ZBTB20: variants seen among roughly 807,000 people sequenced by gnomAD.
ZBTB20 encodes the protein zinc finger and BTB domain containing 20.
A neutral mutation model predicts 56.9 loss-of-function variants in ZBTB20; 9 were observed. The observed-to-expected ratio is 0.16, with a 90% CI of 0.10 to 0.28. ZBTB20 has a LOEUF of 0.28. Ranked by LOEUF, ZBTB20 falls within the 10% of genes least tolerant of loss-of-function variation. The pLI is 1.00. For missense variants in ZBTB20, 655 were observed against 1,003.0 expected, an observed-to-expected ratio of 0.65 and a Z score of 4.69; for synonymous variants, 417 against 420.7, an observed-to-expected ratio of 0.99 and a Z score of 0.11.
rs1421294386 is a variant in ZBTB20, at chr3:114,350,751, T to C, written c.1327A>G (p.Ser443Gly). 3 of 1,614,210 alleles carry C rather than the reference T, an allele frequency of 1.9e-6. No individual in the cohort carries two copies. The highest frequency in any genetic ancestry group is 2.5e-6 in the Non-Finnish European group (3 of 1,180,028). The change falls in exon 11 of 12, where the codon AGC becomes GGC. Residue 443 changes from serine to glycine, a missense_variant. Coordinates refer to ENST00000675478, the MANE Select transcript of ZBTB20 (RefSeq NM_001348800.3). ...PERSNEVEMDSTVITVSNSSD... is the reference protein window; with the variant it reads ...PERSNEVEMDGTVITVSNSSD... Reference sequence around the variant, plus strand: ...CTGTTGCTGACAGTGATAACAGTGCTGTCCATCTCCACTTCATTGCTTCTC... The same window carrying C: ...CTGTTGCTGACAGTGATAACAGTGCCGTCCATCTCCACTTCATTGCTTCTC...
At chr3:114,548,812 C>A (rs2050216726) in intron 6 of ZBTB20, among the ~76,000 whole-genome samples, 1 of 152,182 alleles carries the variant, frequency 6.6e-6, no homozygotes, top group Non-Finnish European at 1.5e-5. Flanking sequence ...AGCCACCACA[C>A]TTGGCCTATG....
intron 4 of ZBTB20, among the ~76,000 whole-genome samples, chr3:114,805,536 T>A (rs868614132): frequency 6.6e-6 from 1 of 151,870 alleles, no homozygotes; most frequent in Non-Finnish European, 1.5e-5. Context: ...TCGGGGTATG[T>A]TAACCTTGGT....
At chr3:114,497,201 G>T (rs2043379285) in intron 7 of ZBTB20, among the ~76,000 whole-genome samples, 1 of 152,066 alleles carries the variant, frequency 6.6e-6, no homozygotes, top group Admixed American at 6.5e-5. Flanking sequence ...CAGGCCTTTG[G>T]CTTTTACCTT....
In ZBTB20 at chr3:114,350,838, C is replaced by G. The variant is rs1327322052; in HGVS notation, c.1240G>C (p.Glu414Gln). The change falls in exon 11 of 12, where the codon GAA becomes CAA. Residue 414 changes from glutamate to glutamine, a missense_variant. By Grantham distance (29) the Glu-to-Gln change is conservative. Around this residue, in one of 10 missense-constraint regions of ZBTB20, gnomAD observed 156 missense variants for 181.0 expected, o/e 0.86. Coordinates refer to ENST00000675478, the MANE Select transcript of ZBTB20 (RefSeq NM_001348800.3). ...TGCGGACCACCCTCAGCGGGGGCTT[C>G]TGCAGCCTGCTCGGGTTGGGTGGGT... ...AEPTQPEQAA[E>Q]APAEGGPQTN... is the part of the protein sequence containing the mutation. 1 of 1,612,622 alleles carries G rather than the reference C, an allele frequency of 6.2e-7. No individual in the cohort carries two copies. The highest frequency in any genetic ancestry group is 2.2e-5 in the East Asian group (1 of 44,828).
rs904098838 is a variant in ZBTB20, at chr3:115,046,543, C to T, written c.-507+24676G>A. On this transcript the variant is annotated intron_variant, in intron 2 of 11. Transcript: ENST00000675478. The stretch of plus-strand genomic sequence containing the variant: ...TGTCCTCAACTAAAAATCTTGTTGA[C>T]CTTAAATTAATAGGTCAAGGCTACT... Among the ~76,000 whole-genome samples the T allele has an allele frequency of 2.2e-4, 33 of 151,958 alleles. 1 individual carries two copies. Among genetic ancestry groups the T allele is most frequent in the Admixed American group, 2.1e-3 (32 of 15,258 alleles).
At chr3:115,095,352 A>C (rs945163920) in intron 1 of ZBTB20, among the ~76,000 whole-genome samples, 6 of 152,128 alleles carry the variant, frequency 3.9e-5, no homozygotes, top group Non-Finnish European at 7.4e-5. Flanking sequence ...CAAAACACCA[A>C]GGCTAGAGTT....
intron 7 of ZBTB20, among the ~76,000 whole-genome samples, chr3:114,420,740 C>T (rs1174159789): frequency 6.6e-6 from 1 of 152,134 alleles, no homozygotes; most frequent in African/African-American, 2.4e-5. Context: ...TCTATTCCAT[C>T]TCATGTTATA....
At chr3:114,557,617 A>C (rs2051415025) in intron 6 of ZBTB20, among the ~76,000 whole-genome samples, 1 of 151,890 alleles carries the variant, frequency 6.6e-6, no homozygotes, top group African/African-American at 2.4e-5. Flanking sequence ...CTGAACTCTA[A>C]TGCAGTTTCT....
chr3:114,517,287 A>G (rs369190862), intron 6 of ZBTB20, among the ~76,000 whole-genome samples: 222 of 152,372 alleles, frequency 1.5e-3, no homozygotes, highest in African/African-American at 5.0e-3. Context: ...TGTATAGTTT[A>G]AATTCCAGTA....
rs60383315 is a variant in ZBTB20, at chr3:114,315,568, A to AGTGTGTGTGTGTGTGTGTGT, written c.*23417_*23436dup. 2 of 147,598 alleles carry AGTGTGTGTGTGTGTGTGTGT rather than the reference A, an allele frequency of 1.4e-5. No homozygotes were observed. The highest frequency in any genetic ancestry group is 5.0e-5 in the African/African-American group (2 of 39,754). The allele number at this position is 147,598 out of a possible 1,614,324, so 9.1% of individuals were successfully genotyped here. A position where few individuals can be genotyped will look rare whatever the true frequency, so the allele number is the denominator to read the frequency against. ...GTGTGTATTTTAGGTCTAAACATAC[A>AGTGTGTGTGTGTGTGTGTGT]GTGTGTGTGTGTGTGTGTGTGTGTG... On this transcript the variant is annotated 3_prime_UTR_variant, in exon 12 of 12. Coordinates refer to ENST00000675478, the MANE Select transcript of ZBTB20 (RefSeq NM_001348800.3).
chr3:114,647,357 C>G (rs2107968433), intron 6 of ZBTB20, among the ~76,000 whole-genome samples: 1 of 152,254 alleles, frequency 6.6e-6, no homozygotes, highest in South Asian at 2.1e-4. Flanking sequence ...GAGAAATGTT[C>G]ACCATTTCCT....
chr3:114,491,636 C>T (rs1286577167), intron 7 of ZBTB20, among the ~76,000 whole-genome samples: 2 of 152,164 alleles, frequency 1.3e-5, no homozygotes, highest in Non-Finnish European at 2.9e-5. Flanking sequence ...TAATCTTATA[C>T]TGCCAGTCAT....
chr3:114,637,534 T>C (rs1240601103), intron 6 of ZBTB20, among the ~76,000 whole-genome samples: 1 of 152,134 alleles, frequency 6.6e-6, no homozygotes, highest in African/African-American at 2.4e-5. Flanking sequence ...ATGCAGACTA[T>C]GTTAGTGTTT....
chr3:115,143,532 A>T (rs1217265766), intron 1 of ZBTB20, among the ~76,000 whole-genome samples: 1 of 152,182 alleles, frequency 6.6e-6, no homozygotes, highest in Non-Finnish European at 1.5e-5. Flanking sequence ...CAGAACTGAA[A>T]AAGATTTAGG....
Position 114,798,730 on chromosome 3 carries a change from C to T in ZBTB20, c.-343+2371G>A, listed in dbSNP as rs575159300. 3.3e-5 allele frequency among the ~76,000 whole-genome samples: 5 copies of T among 151,902 alleles called. No homozygotes were observed. The South Asian group carries it at 1.0e-3, about 32-fold the overall frequency. ...TGGTGATGCTCTGCCCTTACATTTG[C>T]CTAAACTTTTCAATCTTAAAATATA... is the stretch of plus-strand genomic sequence containing the variant. On this transcript the variant is annotated intron_variant, in intron 5 of 11. Transcript: ENST00000675478.
intron 10 of ZBTB20, among the ~76,000 whole-genome samples, chr3:114,365,293 C>G (rs1046422844): frequency 1.3e-5 from 2 of 152,158 alleles, no homozygotes; most frequent in Non-Finnish European, 2.9e-5. Context: ...TTCATTTAAT[C>G]CTCTATTCAT....
At chr3:115,016,878 T>C (rs2079984832) in intron 2 of ZBTB20, among the ~76,000 whole-genome samples, 2 of 151,680 alleles carry the variant, frequency 1.3e-5, no homozygotes, top group Admixed American at 1.3e-4. Flanking sequence ...TGAAAGAACA[T>C]ACCTCAAAAT....
intron 5 of ZBTB20, among the ~76,000 whole-genome samples, chr3:114,777,447 T>C (rs1203912298): frequency 2.0e-5 from 3 of 152,108 alleles, no homozygotes; most frequent in Non-Finnish European, 4.4e-5. Flanking sequence ...GAGGTTGCAG[T>C]GAGCCAAGAT....
In ZBTB20 at chr3:114,339,654, T is replaced by C. The variant is rs570085562; in HGVS notation, c.1805-228A>G. Among the ~76,000 whole-genome samples, 5 of 152,342 alleles carry C rather than the reference T, an allele frequency of 3.3e-5. 1 individual carries two copies. Among genetic ancestry groups the C allele is most frequent in the Middle Eastern group, 6.8e-3 (2 of 294 alleles). ...GATGCCAGGACAGTTTTGTTTTCCA[T>C]TTCCCTGTGCCATAAAACGGCTTTC... is the stretch of plus-strand genomic sequence containing the variant. On this transcript the variant is annotated intron_variant, in intron 11 of 11. Coordinates refer to ENST00000675478, the MANE Select transcript of ZBTB20 (RefSeq NM_001348800.3). This position sits in a 1 kb window ranked among gnomAD's most constrained non-coding sequence, Gnocchi z 4.2.
Sources: gnomAD v4.1 joint callset for allele counts (sites outside exome capture counted in the v4.1 genomes callset) on GRCh38, gnomAD v4.1.1 for gene constraint, gnomAD v4.1.1 regional missense constraint, Gnocchi (gnomAD v3.1) non-coding constraint, MANE v1.5 for transcripts, NCBI Gene and HGNC (gene_info 2026-07-23, HGNC 2026-07-21) for gene names.